NDUFS4: variants seen among roughly 807,000 people sequenced by gnomAD.
The protein encoded by NDUFS4 is NADH dehydrogenase [ubiquinone] iron-sulfur protein 4, mitochondrial.
A neutral mutation model predicts 24.3 loss-of-function variants in NDUFS4; 28 were observed. The ratio of observed to expected loss-of-function variants is 1.15; its 90% confidence interval spans 0.85 to 1.58. The LOEUF (loss-of-function observed/expected upper bound fraction) is 1.58. Among genes scored for constraint, NDUFS4 ranks in the 40% most tolerant of loss-of-function variants. The pLI is 0.00. For synonymous variants in NDUFS4, 93 were observed against 69.7 expected, an observed-to-expected ratio of 1.34 and a Z score of -1.67; for missense variants, 223 against 207.9, an observed-to-expected ratio of 1.07 and a Z score of -0.45.
chr5:53,596,497 A>C (rs964758115), intron 1 of NDUFS4, among the ~76,000 whole-genome samples: 2 of 152,202 alleles, frequency 1.3e-5, no homozygotes, highest in African/African-American at 4.8e-5. Context: ...TTTCCCATTA[A>C]CAGTTGGTTC....
At chr5:53,645,765 A>G (rs769381285) in intron 2 of NDUFS4, among the ~76,000 whole-genome samples, 50 of 152,334 alleles carry the variant, frequency 3.3e-4, no homozygotes, top group Non-Finnish European at 6.5e-4. Context: ...TGGGTAAGCA[A>G]TTTGACACAG....
chr5:53,656,143 C>T (rs1039879199), intron 3 of NDUFS4, among the ~76,000 whole-genome samples: 4 of 151,750 alleles, frequency 2.6e-5, no homozygotes, highest in South Asian at 2.1e-4. Flanking sequence ...TGGGAAACAC[C>T]GTATAAAGTT....
intron 3 of NDUFS4, among the ~76,000 whole-genome samples, chr5:53,656,750 G>A (rs1226108394): frequency 6.6e-6 from 1 of 152,156 alleles, no homozygotes; most frequent in African/African-American, 2.4e-5. Context: ...TTTGAACTGG[G>A]CAGAGAGTGA....
chr5:53,621,794 C>G (rs924078184), intron 2 of NDUFS4, among the ~76,000 whole-genome samples: 1 of 147,964 alleles, frequency 6.8e-6, no homozygotes, highest in Non-Finnish European at 1.5e-5. Context: ...CTCCGCCTCC[C>G]GGGTTCACGC....
intron 2 of NDUFS4, among the ~76,000 whole-genome samples, chr5:53,622,427 C>T (rs570960055): frequency 1.4e-4 from 21 of 152,228 alleles, no homozygotes; most frequent in Admixed American, 2.6e-4. Context: ...GGAAGGCCAC[C>T]TCCTTGATGT....
chr5:53,652,913 A>T (rs535556298), intron 3 of NDUFS4, among the ~76,000 whole-genome samples: 1 of 152,146 alleles, frequency 6.6e-6, no homozygotes, highest in African/African-American at 2.4e-5. Flanking sequence ...GCAAGTTGCC[A>T]AAGATAACTA....
chr5:53,613,533 T>C (rs1750759146), intron 2 of NDUFS4, among the ~76,000 whole-genome samples: 1 of 151,476 alleles, frequency 6.6e-6, no homozygotes, highest in Admixed American at 6.6e-5. Flanking sequence ...ACTTCTAATA[T>C]AAAAAGAGAA....
chr5:53,582,905 G>C (rs1056099867), intron 1 of NDUFS4, among the ~76,000 whole-genome samples: 4 of 152,118 alleles, frequency 2.6e-5, no homozygotes, highest in African/African-American at 9.7e-5. Flanking sequence ...AAGCAGTATA[G>C]CATATATTTT....
chr5:53,585,484 G>C (rs1270968479), intron 1 of NDUFS4, among the ~76,000 whole-genome samples: 1 of 152,124 alleles, frequency 6.6e-6, no homozygotes, highest in African/African-American at 2.4e-5. Context: ...GGTGGCTCAC[G>C]CCTGTAATCC....
chr5:53,672,178 G>A (rs930370363), intron 4 of NDUFS4, among the ~76,000 whole-genome samples: 9 of 151,342 alleles, frequency 5.9e-5, no homozygotes, highest in South Asian at 2.1e-4. Context: ...TCCACCTAAC[G>A]TAACCTCTTA....
chr5:53,609,479 T>G (rs181529745), intron 2 of NDUFS4, among the ~76,000 whole-genome samples: 5 of 152,286 alleles, frequency 3.3e-5, no homozygotes, highest in Admixed American at 2.6e-4. Context: ...CCATCCAGGC[T>G]TTGTTATTCA....
intron 1 of NDUFS4, among the ~76,000 whole-genome samples, chr5:53,589,453 A>G (rs1314782891): frequency 1.3e-5 from 2 of 152,214 alleles, no homozygotes; most frequent in Non-Finnish European, 1.5e-5. Flanking sequence ...GGATGTAGGA[A>G]AAGAGGCAGT....
chr5:53,598,606 G>A (rs1202962831), intron 1 of NDUFS4, among the ~76,000 whole-genome samples: 1 of 152,028 alleles, frequency 6.6e-6, no homozygotes, highest in African/African-American at 2.4e-5. Flanking sequence ...TACAGCAAAA[G>A]ATGTTTATAT....
intron 2 of NDUFS4, among the ~76,000 whole-genome samples, chr5:53,631,946 C>T (rs571437347): frequency 1.2e-4 from 18 of 152,184 alleles, no homozygotes; most frequent in Non-Finnish European, 2.4e-4. Flanking sequence ...GTCACAGCTT[C>T]CCTTGGCTAG....
chr5:53,607,340 A>G (rs2112462167), intron 2 of NDUFS4, among the ~76,000 whole-genome samples: 1 of 152,316 alleles, frequency 6.6e-6, no homozygotes, highest in Admixed American at 6.5e-5. Flanking sequence ...AGTTCTATAA[A>G]AATTCTAACA....
intron 1 of NDUFS4, among the ~76,000 whole-genome samples, chr5:53,572,972 T>G (rs12523207): frequency 0.26 from 16,879 of 66,038 alleles, 897 homozygotes; most frequent in African/African-American, 0.42. Flanking sequence ...TTTTTTTTGT[T>G]TTTTTTTTTT....
In NDUFS4 at chr5:53,653,978, A is replaced by G. The variant is rs533857015; in HGVS notation, c.351-4573A>G. Among the ~76,000 whole-genome samples, 6 of 152,170 alleles carry G rather than the reference A, an allele frequency of 3.9e-5. No homozygotes were observed. In the East Asian group the frequency reaches 9.7e-4, roughly 24 times the overall value. ...TTCAAGGGATTCACTTTGATTTTCT[A>G]GTTATATAATCTAACAATAGTGGCA... On this transcript the variant is annotated intron_variant, in intron 3 of 4. Transcript: ENST00000296684.
intron 2 of NDUFS4, among the ~76,000 whole-genome samples, chr5:53,644,962 C>G (rs557001574): frequency 8.5e-5 from 13 of 152,172 alleles, no homozygotes; most frequent in African/African-American, 3.1e-4. Context: ...CTAGTACGTA[C>G]TAGCTAAGAA....
At chr5:53,575,491 A>T (rs1419612678) in intron 1 of NDUFS4, among the ~76,000 whole-genome samples, 1 of 149,126 alleles carries the variant, frequency 6.7e-6, no homozygotes, top group African/African-American at 2.5e-5. Flanking sequence ...GATTTAAAGG[A>T]TCTAAAATGA....
Sources: gnomAD v4.1 joint callset for allele counts (sites outside exome capture counted in the v4.1 genomes callset) on GRCh38, gnomAD v4.1.1 for gene constraint, MANE v1.5 for transcripts, NCBI Gene and HGNC (gene_info 2026-07-23, HGNC 2026-07-21) for gene names.